CHMP7: variants seen among roughly 807,000 people sequenced by gnomAD.
CHMP7 encodes the protein charged multivesicular body protein 7.
Under a neutral mutation model 53.7 loss-of-function variants are expected in CHMP7, and 15 were observed. That is an observed-to-expected ratio of 0.28 (90% CI 0.19 to 0.43). CHMP7 has a LOEUF of 0.43. CHMP7 is among the 20% of genes least tolerant of loss of function. CHMP7 has a pLI of 1.00. For synonymous variants in CHMP7, 261 were observed against 228.0 expected (o/e 1.14, Z -1.30); for missense variants, 527 against 569.4 (o/e 0.93, Z 0.76).
In CHMP7 at chr8:23,248,714, C is replaced by T. The variant is rs576448101; in HGVS notation, c.300-496C>T. ...TGAGCTGCTGTTACTGTTACCAGCA[C>T]CACCAAATAGTTACATCGTATCCTC... On this transcript the variant is annotated intron_variant, in intron 2 of 10. Coordinates refer to ENST00000397677, the MANE Select transcript of CHMP7 (RefSeq NM_152272.5). Among the ~76,000 whole-genome samples, 6 of 152,342 alleles carry T rather than the reference C, an allele frequency of 3.9e-5. 1 individual carries two copies. In the South Asian group the frequency reaches 1.0e-3, roughly 26 times the overall value.
chr8:23,255,434 T>A lies in CHMP7; in HGVS notation c.657+2T>A. On this transcript the variant is annotated splice_donor_variant, in intron 4 of 10. Transcript: ENST00000397677. LOFTEE classifies it high-confidence loss of function. Reference sequence around the variant, plus strand: ...GTCCTCGAGCAGAACGGGGAGAAGGTATGGAGGCTCATCTGTTCATTCACT... The same window carrying A: ...GTCCTCGAGCAGAACGGGGAGAAGGAATGGAGGCTCATCTGTTCATTCACT... 1 of 1,613,734 alleles carries A rather than the reference T, an allele frequency of 6.2e-7. No individual in the cohort carries two copies. Among genetic ancestry groups the A allele is most frequent in the Non-Finnish European group, 8.5e-7 (1 of 1,179,642 alleles).
At chr8:23,250,666 T>TG (rs1405511967) in intron 3 of CHMP7, among the ~76,000 whole-genome samples, 2 of 136,286 alleles carry the variant, frequency 1.5e-5, no homozygotes, top group African/African-American at 5.9e-5. Context: ...GTGTGTGTGT[T>TG]GACTGAGCAC....
chr8:23,261,450 C>T lies in CHMP7; in HGVS notation c.*851C>T, dbSNP rs1217322079. The T allele has an allele frequency of 2.0e-5, 3 of 152,748 alleles. No homozygotes were observed. The highest frequency in any genetic ancestry group is 6.5e-5 in the Admixed American group (1 of 15,286). The allele number at this position is 152,748 out of a possible 1,614,324, so 9.5% of individuals were successfully genotyped here. On this transcript the variant is annotated 3_prime_UTR_variant, in exon 11 of 11. Coordinates refer to ENST00000397677, the MANE Select transcript of CHMP7 (RefSeq NM_152272.5). ...AAAAATACATATCTATCTTCCAGAA[C>T]AAGCCACACAACAACACACCTCCCC...
chr8:23,256,107 A>G (rs775135931), intron 4 of CHMP7, among the ~76,000 whole-genome samples: 4 of 152,222 alleles, frequency 2.6e-5, no homozygotes, highest in Non-Finnish European at 5.9e-5. Context: ...TGGTGCTGGC[A>G]GTCCAGATTT....
chr8:23,258,691 A>T (rs1802238518), intron 7 of CHMP7, 41 bp from the exon 8 acceptor site: 1 of 1,466,050 alleles, frequency 6.8e-7, no homozygotes, highest in Non-Finnish European at 9.5e-7. Context: ...TATTTTGCCA[A>T]ATGTCTGTCA....
intron 3 of CHMP7, chr8:23,254,997 T>C (rs1163468678): frequency 3.7e-6 from 2 of 534,530 alleles, no homozygotes; most frequent in East Asian, 3.3e-5. Context: ...AAATCCCCGA[T>C]GGGCGTGCAG....
chr8:23,256,359 A>AG (rs1053686443), intron 4 of CHMP7, 101 bp from the exon 5 acceptor site: 4 of 774,132 alleles, frequency 5.2e-6, no homozygotes, highest in African/African-American at 3.4e-5. Flanking sequence ...CCCATGGATA[A>AG]GGGGGGCCTG....
At chr8:23,249,439 C>A in intron 3 of CHMP7, 58 bp downstream of exon 3, 2 of 1,386,474 alleles carry the variant, frequency 1.4e-6, no homozygotes, top group African/African-American at 1.5e-5. Context: ...GCATCCTCCA[C>A]GTCCCTTGTG....
At chr8:23,255,111 C>A in intron 3 of CHMP7, 136 bp from the exon 4 acceptor site, 3 of 822,562 alleles carry the variant, frequency 3.6e-6, no homozygotes, top group Non-Finnish European at 5.9e-6. Flanking sequence ...TTTGAAAAGC[C>A]GCTACTTTGG....
chr8:23,253,007 T>A (rs1286052040), intron 3 of CHMP7, among the ~76,000 whole-genome samples: 1 of 152,228 alleles, frequency 6.6e-6, no homozygotes, highest in Non-Finnish European at 1.5e-5. Flanking sequence ...CTTCTTGAAA[T>A]GTCCAATTTC....
At chr8:23,245,860 G>A (rs1435137894) in intron 1 of CHMP7, among the ~76,000 whole-genome samples, 2 of 152,218 alleles carry the variant, frequency 1.3e-5, no homozygotes, top group Admixed American at 1.3e-4. Context: ...GTGCTTTCAA[G>A]AAATGTGTCC....
chr8:23,258,438 ACAGAT>A lies in CHMP7; in HGVS notation c.955_959del (p.Gln319GlyfsTer3). ...CCTGGACCGGATCTATGCCTCCCAG[ACAGAT>A]CAGATGGTAGTCACTCCCCTCTACT... On this transcript the variant is annotated frameshift_variant, in exon 7 of 11. Transcript: ENST00000397677. LOFTEE classifies it high-confidence loss of function. 6.2e-7 allele frequency: 1 copy of A among 1,614,028 alleles called. No homozygotes were observed. Among genetic ancestry groups the A allele is most frequent in the Non-Finnish European group, 8.5e-7 (1 of 1,180,018 alleles).
Position 23,246,670 on chromosome 8 carries a change from G to C in CHMP7, c.-26G>C. On this transcript the variant is annotated 5_prime_UTR_variant, in exon 2 of 11. Coordinates refer to ENST00000397677, the MANE Select transcript of CHMP7 (RefSeq NM_152272.5). ...GCGGACCAGGGCCAGGCTTGTGTTC[G>C]CAGCCTTGCCGGGGCTGGGGTTCCG... is the stretch of plus-strand genomic sequence containing the variant. 6.5e-7 allele frequency: 1 copy of C among 1,539,296 alleles called. No homozygotes were observed. Among genetic ancestry groups the C allele is most frequent in the Non-Finnish European group, 8.8e-7 (1 of 1,140,910 alleles).
rs1585315726 is a variant in CHMP7, at chr8:23,257,894, C to T, written c.792-139C>T. 3 of 656,576 alleles carry T rather than the reference C, an allele frequency of 4.6e-6. No homozygotes were observed. The East Asian group carries it at 7.7e-5, about 17-fold the overall frequency. 40.7% of individuals were successfully genotyped at this position (656,576 alleles called of 1,614,324 possible). A position where few individuals can be genotyped will look rare whatever the true frequency, so the allele number is the denominator to read the frequency against. The stretch of plus-strand genomic sequence containing the variant: ...CCACAAGAGTTTTTGCCGTCAGCAT[C>T]AGTTTTCTTGCCACTGGGTATTGGG... On this transcript the variant is annotated intron_variant, in intron 5 of 10. Transcript: ENST00000397677.
At chr8:23,258,565 T>C (rs1585316724) in intron 7 of CHMP7, 116 bp downstream of exon 7, 1 of 1,431,474 alleles carries the variant, frequency 7.0e-7, no homozygotes, top group Non-Finnish European at 9.7e-7. Flanking sequence ...GTGGCTGGGG[T>C]TGCCTTTGCC....
At chr8:23,247,435 C>G (rs995144866) in intron 2 of CHMP7, among the ~76,000 whole-genome samples, 18 of 152,138 alleles carry the variant, frequency 1.2e-4, no homozygotes, top group Non-Finnish European at 4.4e-5. Flanking sequence ...GGCATCTTGC[C>G]AACAACCCCT....
At chr8:23,259,223 C>T (rs1180725436) in intron 9 of CHMP7, 97 bp downstream of exon 9, 11 of 609,838 alleles carry the variant, frequency 1.8e-5, no homozygotes, top group Non-Finnish European at 2.7e-5. Flanking sequence ...GGCTGGAGTG[C>T]AGTGGCGGGA....
intron 3 of CHMP7, among the ~76,000 whole-genome samples, chr8:23,251,192 A>G (rs994990518): frequency 3.3e-5 from 5 of 152,242 alleles, no homozygotes; most frequent in Non-Finnish European, 7.3e-5. Context: ...AAACAAAGAA[A>G]GCCTGCTGTT....
intron 2 of CHMP7, chr8:23,247,972 T>C (rs1407849110): frequency 2.3e-6 from 1 of 427,534 alleles, no homozygotes; most frequent in Non-Finnish European, 4.9e-6. Context: ...CTCCCTTCTC[T>C]ACTTTTGTTC....
Sources: allele counts gnomAD v4.1 joint callset (sites outside exome capture counted in the v4.1 genomes callset), GRCh38; gene constraint gnomAD v4.1.1; transcripts MANE v1.5; gene names NCBI Gene and HGNC (gene_info 2026-07-23, HGNC 2026-07-21).